ANKS1B: variants seen among roughly 807,000 people sequenced by gnomAD.
The protein encoded by ANKS1B is ankyrin repeat and sterile alpha motif domain-containing protein 1B.
A neutral mutation model predicts 148.3 loss-of-function variants in ANKS1B; 36 were observed. The observed-to-expected ratio is 0.24, with a 90% confidence interval of 0.19 to 0.32. The LOEUF (loss-of-function observed/expected upper bound fraction) is 0.32, where lower values mean the gene tolerates loss of function less well. Ranked by LOEUF, ANKS1B falls within the 10% of genes least tolerant of loss-of-function variation. The pLI, the probability that ANKS1B is intolerant of heterozygous loss-of-function variation, is 1.00. For missense variants in ANKS1B, 1,157 were observed against 1,542.6 expected, an observed-to-expected ratio of 0.75 and a Z score of 4.19; for synonymous variants, 542 against 560.8, an observed-to-expected ratio of 0.97 and a Z score of 0.47.
At chr12:98,915,615 A>T (rs1296380258) in intron 17 of ANKS1B, among the ~76,000 whole-genome samples, 1 of 152,132 alleles carries the variant, frequency 6.6e-6, no homozygotes, top group Non-Finnish European at 1.5e-5. Flanking sequence ...GGCCTCTCAT[A>T]GTGCTGGGAT....
intron 9 of ANKS1B, among the ~76,000 whole-genome samples, chr12:99,563,211 T>A (rs1001534686): frequency 6.6e-6 from 1 of 152,230 alleles, no homozygotes; most frequent in Admixed American, 6.5e-5. Context: ...GTAATAGCAC[T>A]TTTAATTTTC....
At chr12:99,156,386 G>A (rs1016294454) in intron 14 of ANKS1B, among the ~76,000 whole-genome samples, 1 of 152,176 alleles carries the variant, frequency 6.6e-6, no homozygotes, top group African/African-American at 2.4e-5. Context: ...TATGCATGGT[G>A]TCAGAATAAT....
intron 10 of ANKS1B, among the ~76,000 whole-genome samples, chr12:99,480,995 A>AT (rs34470603): frequency 0.13 from 19,413 of 147,202 alleles, 1,537 homozygotes; most frequent in East Asian, 0.35. Context: ...ATTTTCACTG[A>AT]TTTTTTTTTT....
At chr12:98,976,064 T>TA (rs2153223631) in intron 17 of ANKS1B, among the ~76,000 whole-genome samples, 1 of 152,306 alleles carries the variant, frequency 6.6e-6, no homozygotes, top group East Asian at 1.9e-4. Flanking sequence ...TTTATGTGCT[T>TA]AAAGTGAAAA....
At chr12:98,966,992 ACAAACCTG>A (rs2099878638) in intron 17 of ANKS1B, among the ~76,000 whole-genome samples, 1 of 152,182 alleles carries the variant, frequency 6.6e-6, no homozygotes, top group African/African-American at 2.4e-5. Context: ...TACATATGTA[ACAAACCTG>A]CACGTTGTGC....
intron 17 of ANKS1B, among the ~76,000 whole-genome samples, chr12:98,916,428 C>T (rs1360842992): frequency 6.6e-6 from 1 of 152,226 alleles, no homozygotes; most frequent in Non-Finnish European, 1.5e-5. Flanking sequence ...ATCCAACACC[C>T]TCCACACAGG....
At chr12:98,931,376 ACTT>A (rs1472189837) in intron 17 of ANKS1B, among the ~76,000 whole-genome samples, 1 of 152,186 alleles carries the variant, frequency 6.6e-6, no homozygotes, top group Non-Finnish European at 1.5e-5. Context: ...AAAGAAAATG[ACTT>A]CTTAAGATGA....
intron 14 of ANKS1B, among the ~76,000 whole-genome samples, chr12:99,203,259 G>A (rs752615660): frequency 4.6e-5 from 7 of 152,064 alleles, no homozygotes; most frequent in East Asian, 3.9e-4. Context: ...CCTCTTTTGC[G>A]TTGCATGGTT....
At chr12:99,563,095 G>T (rs1254024295) in intron 9 of ANKS1B, among the ~76,000 whole-genome samples, 1 of 152,096 alleles carries the variant, frequency 6.6e-6, no homozygotes, top group Non-Finnish European at 1.5e-5. Flanking sequence ...TTAGCTTTTG[G>T]CTTAAGAGAA....
At chr12:99,146,341 C>T (rs1027775461) in intron 15 of ANKS1B, among the ~76,000 whole-genome samples, 6 of 152,088 alleles carry the variant, frequency 3.9e-5, no homozygotes, top group Admixed American at 6.6e-5. Flanking sequence ...CGTGGGTGCA[C>T]AGAGGAGGGA....
intron 17 of ANKS1B, among the ~76,000 whole-genome samples, chr12:98,857,684 G>C (rs1434423481): frequency 3.3e-5 from 5 of 152,058 alleles, no homozygotes; most frequent in Non-Finnish European, 5.9e-5. Context: ...AAGGTGGCTA[G>C]GGTAGAGGAT....
chr12:99,538,251 G>C (rs1342307359), intron 9 of ANKS1B, among the ~76,000 whole-genome samples: 1 of 151,898 alleles, frequency 6.6e-6, no homozygotes, highest in African/African-American at 2.4e-5. Flanking sequence ...TTTTTTTGTG[G>C]TTCCATATAC....
chr12:99,902,455 G>A (rs893276729), intron 1 of ANKS1B, among the ~76,000 whole-genome samples: 2 of 152,194 alleles, frequency 1.3e-5, no homozygotes, highest in African/African-American at 2.4e-5. Flanking sequence ...TTCTAGGAGC[G>A]AGCAACGGAA....
intron 8 of ANKS1B, among the ~76,000 whole-genome samples, chr12:99,688,418 A>G (rs1056389847): frequency 5.9e-5 from 9 of 152,258 alleles, no homozygotes; most frequent in Admixed American, 3.3e-4. Context: ...CTAATGGCCA[A>G]CAACTGAAAA....
chr12:99,358,746 C>T (rs2092245250), intron 12 of ANKS1B, among the ~76,000 whole-genome samples: 1 of 151,908 alleles, frequency 6.6e-6, no homozygotes, highest in Non-Finnish European at 1.5e-5. Context: ...ATCCAAACAA[C>T]AAATATTATA....
At chr12:99,008,157 GC>G (rs2099937252) in intron 17 of ANKS1B, among the ~76,000 whole-genome samples, 1 of 152,118 alleles carries the variant, frequency 6.6e-6, no homozygotes, top group African/African-American at 2.4e-5. Flanking sequence ...TTCCCCTCGA[GC>G]TTTGGGCCTA....
chr12:99,954,048 G>A (rs2095274240), intron 1 of ANKS1B, among the ~76,000 whole-genome samples: 1 of 152,128 alleles, frequency 6.6e-6, no homozygotes, highest in African/African-American at 2.4e-5. Context: ...TAAGTTCTGG[G>A]AGACTCTAAA....
chr12:98,912,232 A>G (rs2099787778), intron 17 of ANKS1B, among the ~76,000 whole-genome samples: 1 of 152,224 alleles, frequency 6.6e-6, no homozygotes, highest in African/African-American at 2.4e-5. Flanking sequence ...AGCTGAGGTT[A>G]TGAACCATGG....
At chr12:99,067,226 T>C (rs1463870981) in intron 16 of ANKS1B, among the ~76,000 whole-genome samples, 9 of 152,206 alleles carry the variant, frequency 5.9e-5, no homozygotes, top group Non-Finnish European at 1.3e-4. Flanking sequence ...ATATTGCAGA[T>C]ATTGGTGCCC....
Sources: allele counts gnomAD v4.1 joint callset (sites outside exome capture counted in the v4.1 genomes callset), GRCh38; gene constraint gnomAD v4.1.1; transcripts MANE v1.5; gene names NCBI Gene and HGNC (gene_info 2026-07-23, HGNC 2026-07-21).